DYNC1LI1: variants seen among roughly 807,000 people sequenced by gnomAD.
DYNC1LI1 encodes cytoplasmic dynein 1 light intermediate chain 1.
DYNC1LI1 carries 19 observed loss-of-function variants against 63.8 expected under a neutral mutation model. The observed-to-expected ratio is 0.30, with a 90% CI of 0.21 to 0.44. DYNC1LI1 has a LOEUF of 0.44. Ranked by LOEUF, DYNC1LI1 falls within the 20% of genes least tolerant of loss-of-function variation. The pLI is 1.00. For synonymous variants in DYNC1LI1, 225 were observed against 232.3 expected, an observed-to-expected ratio of 0.97 and a Z score of 0.28; for missense variants, 565 against 630.2, an observed-to-expected ratio of 0.90 and a Z score of 1.11.
chr3:32,554,529 C>T (rs1397622252), intron 2 of DYNC1LI1, among the ~76,000 whole-genome samples: 1 of 152,136 alleles, frequency 6.6e-6, no homozygotes, highest in Non-Finnish European at 1.5e-5. Context: ...CCTCTTCTTA[C>T]AAATGGGGAA....
chr3:32,537,939 T>A lies in DYNC1LI1; in HGVS notation c.739-835A>T, dbSNP rs868095871. Among the ~76,000 whole-genome samples, 9 of 15,942 alleles carry A rather than the reference T, an allele frequency of 5.6e-4. 1 individual carries two copies. Among genetic ancestry groups the A allele is most frequent in the Non-Finnish European group, 8.4e-4 (7 of 8,314 alleles). 10.5% of individuals were successfully genotyped at this position (15,942 alleles called of 152,430 possible). ...ATTTATATATATAATATATATATAA[T>A]ATATATATAATTTATATATATAATA... On this transcript the variant is annotated intron_variant, in intron 5 of 12. Coordinates refer to ENST00000273130, the MANE Select transcript of DYNC1LI1 (RefSeq NM_016141.4).
Position 32,539,414 on chromosome 3 carries a change from G to A in DYNC1LI1, c.738+1623C>T, listed in dbSNP as rs1264885274. ...CATGTGCAAATTTTACATAATAAAA[G>A]GCATTAATTTCAGGTCTCAAAAGGA... On this transcript the variant is annotated intron_variant, in intron 5 of 12. Transcript: ENST00000273130. 3.3e-5 allele frequency among the ~76,000 whole-genome samples: 5 copies of A among 151,880 alleles called. No homozygotes were observed. In the East Asian group the frequency reaches 9.6e-4, roughly 29 times the overall value.
chr3:32,567,781 G>A (rs1215189755), intron 2 of DYNC1LI1, among the ~76,000 whole-genome samples: 1 of 148,842 alleles, frequency 6.7e-6, no homozygotes, highest in African/African-American at 2.5e-5. Flanking sequence ...TTGGCTCACT[G>A]CAACCTCCGC....
At chr3:32,549,332 T>C (rs1408847357) in intron 2 of DYNC1LI1, among the ~76,000 whole-genome samples, 4 of 151,558 alleles carry the variant, frequency 2.6e-5, no homozygotes, top group African/African-American at 9.7e-5. Context: ...AGACTTTATA[T>C]AATAAAAATA....
At chr3:32,556,432 A>C (rs962681905) in intron 2 of DYNC1LI1, among the ~76,000 whole-genome samples, 8 of 152,234 alleles carry the variant, frequency 5.3e-5, no homozygotes, top group African/African-American at 1.9e-4. Context: ...AGCAAGACAT[A>C]AAGTCTTTGC....
intron 5 of DYNC1LI1, among the ~76,000 whole-genome samples, chr3:32,537,998 TTA>T (rs1240769399): frequency 6.5e-4 from 31 of 47,736 alleles, no homozygotes; most frequent in East Asian, 2.9e-3. Flanking sequence ...TATATATAAT[TTA>T]TATATATAAT....
Position 32,544,916 on chromosome 3 carries a change from C to A in DYNC1LI1, c.528G>T (p.Leu176=). 6.2e-7 allele frequency: 1 copy of A among 1,613,944 alleles called. No homozygotes were observed. The highest frequency in any genetic ancestry group is 8.5e-7 in the Non-Finnish European group (1 of 1,179,926). Reference sequence around the variant, plus strand: ...GTTTCATTTCTTCAGGAGGGATTTTCAGTTTGTCAACATGTTCTCTAACAA... The same window carrying A: ...GTTTCATTTCTTCAGGAGGGATTTTAAGTTTGTCAACATGTTCTCTAACAA... The part of the protein sequence containing the change: ...ASVVREHVDK[L]KIPPEEMKQM... The change falls in exon 4 of 13, where the codon CTG becomes CTT. Residue 176 remains leucine, a synonymous_variant. Transcript: ENST00000273130.
In DYNC1LI1 at chr3:32,526,721, A is replaced by G. The variant is rs1302802830; in HGVS notation, c.*78T>C. 2 of 1,108,960 alleles carry G rather than the reference A, an allele frequency of 1.8e-6. No homozygotes were observed. Among genetic ancestry groups the G allele is most frequent in the African/African-American group, 3.1e-5 (2 of 64,096 alleles). 68.7% of individuals were successfully genotyped at this position (1,108,960 alleles called of 1,614,324 possible). On this transcript the variant is annotated 3_prime_UTR_variant, in exon 13 of 13. Coordinates refer to ENST00000273130, the MANE Select transcript of DYNC1LI1 (RefSeq NM_016141.4). Reference sequence around the variant, plus strand: ...TCTGAAGAAGCACTCCAGCTTTCTAATTCCACTTTTGAAGGAAAAGGCAGA... The same window carrying G: ...TCTGAAGAAGCACTCCAGCTTTCTAGTTCCACTTTTGAAGGAAAAGGCAGA...
chr3:32,540,766 A>G (rs1044740088), intron 5 of DYNC1LI1, among the ~76,000 whole-genome samples: 4 of 152,170 alleles, frequency 2.6e-5, no homozygotes, highest in Admixed American at 6.6e-5. Flanking sequence ...TATTTCTACT[A>G]AACTGATTGA....
At chr3:32,531,721 T>C (rs1697699726) in intron 8 of DYNC1LI1, 1 of 152,176 alleles carries the variant, frequency 6.6e-6, no homozygotes, top group Non-Finnish European at 1.5e-5. Flanking sequence ...GGATGCTTTA[T>C]ATTATGAGTG....
At chr3:32,538,428 C>T (rs577327303) in intron 5 of DYNC1LI1, among the ~76,000 whole-genome samples, 3 of 151,554 alleles carry the variant, frequency 2.0e-5, no homozygotes, top group South Asian at 2.1e-4. Context: ...AGGCCAGGCG[C>T]GGTGGCTCAC....
chr3:32,537,902 T>TATATATAATTTATATATATA (rs1697798330), intron 5 of DYNC1LI1, among the ~76,000 whole-genome samples: 1 of 50,020 alleles, frequency 2.0e-5, no homozygotes, highest in African/African-American at 7.7e-5. Flanking sequence ...ATATATATAA[T>TATATATAATTTATATATATA]ATATATATAT....
intron 2 of DYNC1LI1, among the ~76,000 whole-genome samples, chr3:32,557,275 G>A (rs1181451042): frequency 1.3e-5 from 2 of 152,168 alleles, no homozygotes; most frequent in African/African-American, 2.4e-5. Context: ...CAACACTCTG[G>A]GAGGCTGAGG....
At chr3:32,532,964 G>C in intron 8 of DYNC1LI1, 22 bp downstream of exon 8, 1 of 1,556,124 alleles carries the variant, frequency 6.4e-7, no homozygotes. Flanking sequence ...TAAATATTGA[G>C]ATTATTTACT....
chr3:32,544,745 A>G, intron 4 of DYNC1LI1, 131 bp downstream of exon 4: 2 of 316,234 alleles, frequency 6.3e-6, no homozygotes, highest in Non-Finnish European at 1.1e-5. Context: ...CTTGTCTCCA[A>G]AAAAAAAAAA....
At chr3:32,563,289 CTTT>C (rs1292071061) in intron 2 of DYNC1LI1, among the ~76,000 whole-genome samples, 6 of 133,972 alleles carry the variant, frequency 4.5e-5, no homozygotes, top group Admixed American at 1.5e-4. Flanking sequence ...TGGTCACTTA[CTTT>C]TTTTTTTTTT....
chr3:32,532,315 A>G (rs1485683895), intron 8 of DYNC1LI1: 3 of 151,762 alleles, frequency 2.0e-5, no homozygotes, highest in Non-Finnish European at 4.4e-5. Flanking sequence ...AATACAAAAA[A>G]ATTAGCTGGG....
At chr3:32,545,641 C>G in intron 3 of DYNC1LI1, 2 of 544,804 alleles carry the variant, frequency 3.7e-6, no homozygotes, top group Non-Finnish European at 6.4e-6. Flanking sequence ...ATCTGCACAC[C>G]AGGATACCTT....
At chr3:32,569,749 C>T (rs1290615857) in intron 2 of DYNC1LI1, among the ~76,000 whole-genome samples, 1 of 152,164 alleles carries the variant, frequency 6.6e-6, no homozygotes, top group East Asian at 1.9e-4. Context: ...ACCGTTTCTC[C>T]TTATTACATC....
Sources: allele counts gnomAD v4.1 joint callset (sites outside exome capture counted in the v4.1 genomes callset), GRCh38; gene constraint gnomAD v4.1.1; transcripts MANE v1.5; gene names NCBI Gene and HGNC (gene_info 2026-07-23, HGNC 2026-07-21).